Variants in IGF2BP3 observed in about 807,000 individuals in gnomAD.
IGF2BP3 encodes insulin like growth factor 2 mRNA binding protein 3.
In IGF2BP3, 9 loss-of-function variants were observed where a neutral mutation model predicts 73.8. The observed-to-expected ratio is 0.12, with a 90% CI of 0.07 to 0.21. The LOEUF (loss-of-function observed/expected upper bound fraction) is 0.21, where lower values mean the gene tolerates loss of function less well. IGF2BP3 is among the 10% of genes least tolerant of loss of function. The pLI is 1.00. For synonymous variants in IGF2BP3, 258 were observed against 256.7 expected (o/e 1.01, Z -0.05); for missense variants, 542 against 714.0 (o/e 0.76, Z 2.75).
At position 23,314,009 on chromosome 7, in the gene IGF2BP3, C is replaced by T. The variant is rs1783905407; in HGVS notation, c.1396-356G>A. Among the ~76,000 whole-genome samples, 4 of 152,156 alleles carry T rather than the reference C, an allele frequency of 2.6e-5. No individual in the cohort carries two copies. The South Asian group carries it at 6.2e-4, about 24-fold the overall frequency. On this transcript the variant is annotated intron_variant, in intron 12 of 14. Transcript: ENST00000258729. ...AAAACTTCTCATGCTGGCCATGAGA[C>T]ATCAGTTGCATTTTTCTTTCCTTTT...
intron 10 of IGF2BP3, among the ~76,000 whole-genome samples, chr7:23,331,460 G>A (rs985507922): frequency 1.3e-5 from 2 of 152,162 alleles, no homozygotes; most frequent in African/African-American, 4.8e-5. Context: ...AAGTTGCAAA[G>A]TATCTTAAAC....
intron 12 of IGF2BP3, among the ~76,000 whole-genome samples, 190 bp downstream of exon 12, chr7:23,317,449 C>G (rs76937977): frequency 0.036 from 5,550 of 152,236 alleles, 342 homozygotes; most frequent in African/African-American, 0.13. Context: ...GCAACCAGTA[C>G]AGAACTCTTA....
At position 23,351,462 on chromosome 7, in the gene IGF2BP3, G is replaced by A; in HGVS notation, c.526C>T (p.Gln176Ter). 1 of 1,613,804 alleles carries A rather than the reference G, an allele frequency of 6.2e-7. No individual in the cohort carries two copies. Among genetic ancestry groups the A allele is most frequent in the Non-Finnish European group, 8.5e-7 (1 of 1,179,886 alleles). The change falls in exon 6 of 15, where the codon CAG becomes TAG. Residue 176 changes from glutamine to a stop codon, truncating the protein, a stop_gained. Coordinates refer to ENST00000258729, the MANE Select transcript of IGF2BP3 (RefSeq NM_006547.3). LOFTEE classifies it high-confidence loss of function. Reference protein sequence around the residue: ...QQPRGRRGLGQRGSSRQGSPG... With the variant: ...QQPRGRRGLG ...GACCCCTGCCTTGAGGAGCCCCTCT[G>A]CCCAAGCCCCCGGCGACCTCGGGGC...
chr7:23,340,249 G>A (rs540416697), intron 10 of IGF2BP3, among the ~76,000 whole-genome samples: 2 of 152,202 alleles, frequency 1.3e-5, no homozygotes, highest in East Asian at 3.9e-4. Flanking sequence ...AAATTTTGAT[G>A]GCTATCATTC....
intron 5 of IGF2BP3, among the ~76,000 whole-genome samples, chr7:23,354,781 TC>T (rs1236318912): frequency 6.6e-6 from 1 of 152,200 alleles, no homozygotes; most frequent in Admixed American, 6.5e-5. Flanking sequence ...CCCCAATGGC[TC>T]CAAACTCAGG....
chr7:23,332,283 A>T (rs545081074), intron 10 of IGF2BP3, among the ~76,000 whole-genome samples: 1 of 152,172 alleles, frequency 6.6e-6, no homozygotes, highest in Non-Finnish European at 1.5e-5. Context: ...TCAATTCATC[A>T]TCTCTAATCA....
rs1005140237 is a variant in IGF2BP3, at chr7:23,470,345, C to G, written c.-235G>C. ...AAGAAAAGAAAAAGCCTAGCTACAACCCAAACGCATCCACCAGTCTTCCTA... is the reference window on the plus strand; with the variant it reads ...AAGAAAAGAAAAAGCCTAGCTACAAGCCAAACGCATCCACCAGTCTTCCTA... On this transcript the variant is annotated 5_prime_UTR_variant, in exon 1 of 15. Coordinates refer to ENST00000258729, the MANE Select transcript of IGF2BP3 (RefSeq NM_006547.3). 9.2e-6 allele frequency: 3 copies of G among 325,350 alleles called. No homozygotes were observed. The highest frequency in any genetic ancestry group is 1.7e-5 in the Non-Finnish European group (3 of 179,544). 20.2% of individuals were successfully genotyped at this position (325,350 alleles called of 1,614,324 possible). A position where few individuals can be genotyped will look rare whatever the true frequency, so the allele number is the denominator to read the frequency against.
chr7:23,409,955 G>T (rs145116083), intron 3 of IGF2BP3, among the ~76,000 whole-genome samples: 2,381 of 152,238 alleles, frequency 0.016, 78 homozygotes, highest in African/African-American at 0.055. Context: ...GATCACCTGA[G>T]GTCAGGAGTT....
chr7:23,432,069 C>A (rs753737424), intron 2 of IGF2BP3, among the ~76,000 whole-genome samples: 5 of 152,124 alleles, frequency 3.3e-5, no homozygotes, highest in Non-Finnish European at 5.9e-5. Flanking sequence ...TCCATTATCC[C>A]CAGCTCCCAG....
At chr7:23,331,299 C>T (rs575908401) in intron 10 of IGF2BP3, among the ~76,000 whole-genome samples, 2 of 152,126 alleles carry the variant, frequency 1.3e-5, no homozygotes, top group Non-Finnish European at 2.9e-5. Flanking sequence ...AGTATTTGTA[C>T]CAAGGCACAG....
intron 10 of IGF2BP3, 42 bp from the exon 11 acceptor site, chr7:23,319,296 C>T: frequency 1.5e-6 from 2 of 1,314,048 alleles, no homozygotes. Flanking sequence ...TTATTTGCTA[C>T]AAATCAGGCT....
intron 3 of IGF2BP3, chr7:23,365,545 T>A (rs1453740501): frequency 6.6e-6 from 1 of 152,160 alleles, no homozygotes; most frequent in African/African-American, 2.4e-5. Flanking sequence ...ATGATACAGG[T>A]AAATTTTTTA....
intron 2 of IGF2BP3, among the ~76,000 whole-genome samples, chr7:23,430,211 G>A (rs926367970): frequency 3.3e-5 from 5 of 151,750 alleles, no homozygotes; most frequent in Non-Finnish European, 7.4e-5. Flanking sequence ...AGCTTCCTCA[G>A]TAGCTGGGAT....
chr7:23,368,383 G>GAAAGAAAGA (rs1785449217), intron 3 of IGF2BP3, among the ~76,000 whole-genome samples: 2 of 148,738 alleles, frequency 1.3e-5, no homozygotes, highest in East Asian at 2.1e-4. Context: ...AAGAAAGAAA[G>GAAAGAAAGA]AAAAGAAGGC....
chr7:23,340,394 G>A (rs1305132493), intron 10 of IGF2BP3, among the ~76,000 whole-genome samples: 1 of 152,128 alleles, frequency 6.6e-6, no homozygotes, highest in Non-Finnish European at 1.5e-5. Context: ...CAGTTTGGTG[G>A]GTTCAAGGAC....
chr7:23,316,863 A>G (rs1276462752), intron 12 of IGF2BP3, among the ~76,000 whole-genome samples: 1 of 152,168 alleles, frequency 6.6e-6, no homozygotes, highest in East Asian at 1.9e-4. Context: ...TAGTCTGTTG[A>G]ATACCCCCAG....
At chr7:23,448,365 A>G (rs568311099) in intron 2 of IGF2BP3, among the ~76,000 whole-genome samples, 2 of 152,272 alleles carry the variant, frequency 1.3e-5, no homozygotes, top group Admixed American at 1.3e-4. Flanking sequence ...CCTCATGTGT[A>G]CTTGTTTTCA....
chr7:23,420,742 CTACAAT>C (rs1787321723), intron 2 of IGF2BP3, among the ~76,000 whole-genome samples: 1 of 152,112 alleles, frequency 6.6e-6, no homozygotes, highest in South Asian at 2.1e-4. Context: ...TACATCCTGT[CTACAAT>C]CATAAAATGG....
At chr7:23,457,300 C>T (rs552348309) in intron 2 of IGF2BP3, among the ~76,000 whole-genome samples, 2 of 151,654 alleles carry the variant, frequency 1.3e-5, no homozygotes, top group South Asian at 4.2e-4. Context: ...TCCGTCTCTA[C>T]CAAAAAATAC....
Sources: allele counts gnomAD v4.1 joint callset (sites outside exome capture counted in the v4.1 genomes callset), GRCh38; gene constraint gnomAD v4.1.1; transcripts MANE v1.5; gene names NCBI Gene and HGNC (gene_info 2026-07-23, HGNC 2026-07-21).